KDM4B: variants seen among roughly 807,000 people sequenced by gnomAD.
The protein encoded by KDM4B is lysine demethylase 4B, also known as lysine-specific demethylase 4B.
KDM4B carries 32 observed loss-of-function variants against 125.2 expected under a neutral mutation model. The ratio of observed to expected loss-of-function variants is 0.26; its 90% confidence interval spans 0.19 to 0.34. The LOEUF (loss-of-function observed/expected upper bound fraction) is 0.34, where lower values mean the gene tolerates loss of function less well. KDM4B is among the 10% of genes least tolerant of loss of function. KDM4B has a pLI of 1.00. For synonymous variants in KDM4B, 721 were observed against 677.9 expected (o/e 1.06, Z -0.99); for missense variants, 1,190 against 1,577.7 (o/e 0.75, Z 4.16).
chr19:5,073,261 T>G (rs1308008333), intron 7 of KDM4B, among the ~76,000 whole-genome samples: 1 of 152,248 alleles, frequency 6.6e-6, no homozygotes, highest in African/African-American at 2.4e-5. Flanking sequence ...GGAGCACCTG[T>G]GGGCTCCTTG....
At chr19:5,031,680 C>T (rs994812250) in intron 2 of KDM4B, among the ~76,000 whole-genome samples, 3 of 152,196 alleles carry the variant, frequency 2.0e-5, no homozygotes, top group African/African-American at 4.8e-5. Context: ...CAGGGGGCGA[C>T]CTCGGCTTTG....
chr19:5,017,605 C>CT (rs1451739800), intron 2 of KDM4B, among the ~76,000 whole-genome samples: 2 of 152,194 alleles, frequency 1.3e-5, no homozygotes, highest in African/African-American at 4.8e-5. Context: ...TGAAATCTTG[C>CT]TTTTACCCTT....
chr19:5,141,279 C>G lies in KDM4B; in HGVS notation c.2551-2688C>G, dbSNP rs1435859484. The G allele has an allele frequency of 6.6e-6, 1 of 151,898 alleles. No homozygotes were observed. Among genetic ancestry groups the G allele is most frequent in the African/African-American group, 2.4e-5 (1 of 41,394 alleles). 9.4% of individuals were successfully genotyped at this position (151,898 alleles called of 1,614,324 possible). ...GCCGGCCTGGCCGGGCACGGCCAGG[C>G]GATTAGGAAGCCGGCAGCCCGCGGG... On this transcript the variant is annotated intron_variant, in intron 18 of 22. Transcript: ENST00000159111. This position sits in a 1 kb window ranked among gnomAD's most constrained non-coding sequence, Gnocchi z 6.4.
chr19:5,147,257 C>G (rs1054874142), intron 21 of KDM4B, among the ~76,000 whole-genome samples: 3 of 152,230 alleles, frequency 2.0e-5, no homozygotes, highest in African/African-American at 7.2e-5. Flanking sequence ...ACACAGAGCA[C>G]AACTGTGGTG....
intron 6 of KDM4B, among the ~76,000 whole-genome samples, chr19:5,060,161 C>T (rs1019283872): frequency 3.3e-5 from 5 of 152,122 alleles, no homozygotes; most frequent in Admixed American, 6.5e-5. Flanking sequence ...AGCCATGGGC[C>T]GGGCATGGTG....
At chr19:5,004,633 A>C (rs1231004674) in intron 1 of KDM4B, among the ~76,000 whole-genome samples, 1 of 152,082 alleles carries the variant, frequency 6.6e-6, no homozygotes, top group Non-Finnish European at 1.5e-5. Context: ...GTAGTTGAGA[A>C]CGCTTGACTG....
At chr19:4,989,445 C>T (rs930736891) in intron 1 of KDM4B, among the ~76,000 whole-genome samples, 1 of 152,096 alleles carries the variant, frequency 6.6e-6, no homozygotes, top group African/African-American at 2.4e-5. Flanking sequence ...TCAAGCGATT[C>T]TCCTGCCTCA....
At chr19:5,101,786 G>T (rs767079709) in intron 9 of KDM4B, among the ~76,000 whole-genome samples, 5 of 152,298 alleles carry the variant, frequency 3.3e-5, no homozygotes, top group Admixed American at 2.0e-4. Context: ...GGATACCTGG[G>T]TGGGCTGTTA....
At chr19:5,070,795 T>C in intron 6 of KDM4B, 1 of 517,358 alleles carries the variant, frequency 1.9e-6, no homozygotes, top group Non-Finnish European at 3.5e-6. Flanking sequence ...TGGTCCTCAC[T>C]CCCCGCTCCT....
chr19:5,034,044 G>C (rs2036541075), intron 3 of KDM4B, among the ~76,000 whole-genome samples: 1 of 152,234 alleles, frequency 6.6e-6, no homozygotes, highest in South Asian at 2.1e-4. Flanking sequence ...TGAGGCGGGA[G>C]GATCACTTGA....
chr19:5,060,433 C>CAAAAAAAAAA lies in KDM4B; in HGVS notation c.627-10556_627-10547dup, dbSNP rs901472663. Among the ~76,000 whole-genome samples the CAAAAAAAAAA allele has an allele frequency of 5.7e-3, 189 of 32,968 alleles. 27 individuals are homozygous for CAAAAAAAAAA. In the East Asian group the frequency reaches 0.06, roughly 10 times the overall value. 21.6% of individuals were successfully genotyped at this position (32,968 alleles called of 152,430 possible). On this transcript the variant is annotated intron_variant, in intron 6 of 22. Transcript: ENST00000159111. ...GGGTGACGGAGGAAGACTCTGTCTCCAAAAAAAAAAAAAAAAAAAAAAAAA... is the reference window on the plus strand; with the variant it reads ...GGGTGACGGAGGAAGACTCTGTCTCCAAAAAAAAAAAAAAAAAAAAAAAAAAAAAAAAAAA...
chr19:5,131,221 C>T lies in KDM4B; in HGVS notation c.1461C>T (p.Pro487=), dbSNP rs752762274. The T allele has an allele frequency of 3.7e-6, 6 of 1,606,604 alleles. No individual in the cohort carries two copies. The South Asian group carries it at 5.5e-5, about 15-fold the overall frequency. The change falls in exon 12 of 23, where the codon CCC becomes CCT. Residue 487 remains proline, a synonymous_variant. Transcript: ENST00000159111. ...EALWLPSPLE[P]PVLGPGPAAM... is the part of the protein sequence containing the mutation. ...TGTGGCTGCCATCCCCACTGGAGCC[C>T]CCGGTGCTGGGCCCAGGCCCTGCAG...
At chr19:5,090,318 C>G (rs897724041) in intron 9 of KDM4B, among the ~76,000 whole-genome samples, 1 of 151,176 alleles carries the variant, frequency 6.6e-6, no homozygotes, top group African/African-American at 2.4e-5. Context: ...AAGTCTCTTT[C>G]TCAGCTAGAG....
At chr19:5,065,095 G>A (rs1281481523) in intron 6 of KDM4B, among the ~76,000 whole-genome samples, 1 of 152,174 alleles carries the variant, frequency 6.6e-6, no homozygotes, top group African/African-American at 2.4e-5. Flanking sequence ...GGCAGGCAGT[G>A]CCCACAGGCG....
intron 2 of KDM4B, among the ~76,000 whole-genome samples, chr19:5,017,981 C>T (rs1219081692): frequency 2.0e-5 from 3 of 151,922 alleles, no homozygotes; most frequent in Non-Finnish European, 4.4e-5. Flanking sequence ...ACTCGTGATC[C>T]GCCCACCTTG....
intron 1 of KDM4B, among the ~76,000 whole-genome samples, chr19:4,978,044 C>T (rs558253034): frequency 3.1e-4 from 47 of 152,302 alleles, no homozygotes; most frequent in Non-Finnish European, 6.5e-4. Flanking sequence ...GCAGTCGGGC[C>T]GCGTGGATCT....
intron 12 of KDM4B, 84 bp from the exon 13 acceptor site, chr19:5,131,803 A>G (rs1442781869): frequency 1.9e-6 from 3 of 1,566,522 alleles, no homozygotes; most frequent in African/African-American, 1.4e-5. Context: ...GGCCTCAGGC[A>G]CGCCGAGCCC....
At chr19:5,084,996 A>G (rs1389714577) in intron 9 of KDM4B, among the ~76,000 whole-genome samples, 1 of 152,040 alleles carries the variant, frequency 6.6e-6, no homozygotes, top group East Asian at 1.9e-4. Flanking sequence ...GCGAGCCACC[A>G]CAGCACACCA....
chr19:5,106,468 T>C (rs1346157516), intron 9 of KDM4B, among the ~76,000 whole-genome samples: 2 of 152,128 alleles, frequency 1.3e-5, no homozygotes, highest in Non-Finnish European at 2.9e-5. Context: ...GCCGCCAGGG[T>C]CTGCTCCATG....
Sources: allele counts gnomAD v4.1 joint callset (sites outside exome capture counted in the v4.1 genomes callset), GRCh38; gene constraint gnomAD v4.1.1; non-coding constraint Gnocchi (gnomAD v3.1); transcripts MANE v1.5; gene names NCBI Gene and HGNC (gene_info 2026-07-23, HGNC 2026-07-21).